HYDIN: variants seen among roughly 807,000 people sequenced by gnomAD.
The protein encoded by HYDIN is HYDIN axonemal central pair apparatus protein.
Under a neutral mutation model 403.9 loss-of-function variants are expected in HYDIN, and 132 were observed. That is an observed-to-expected ratio of 0.33 (90% CI 0.28 to 0.38). The LOEUF is 0.38. HYDIN is among the 10% of genes least tolerant of loss of function. HYDIN has a pLI of 1.00. For missense variants in HYDIN, 2,827 were observed against 5,009.5 expected (o/e 0.56, Z 13.15); for synonymous variants, 1,202 against 1,891.7 (o/e 0.64, Z 9.46).
chr16:71,229,896 T>C (rs2041206123), intron 1 of HYDIN, among the ~76,000 whole-genome samples: 1 of 152,186 alleles, frequency 6.6e-6, no homozygotes, highest in Non-Finnish European at 1.5e-5. Context: ...CCACGTGTCA[T>C]GGGAGGGACC....
At chr16:71,011,104 G>A (rs1180037532) in intron 23 of HYDIN, among the ~76,000 whole-genome samples, 15 of 152,148 alleles carry the variant, frequency 9.9e-5, no homozygotes, top group Non-Finnish European at 1.5e-4. Flanking sequence ...AGGAGGACCC[G>A]TAGGAGCCCT....
intron 1 of HYDIN, among the ~76,000 whole-genome samples, chr16:71,203,463 G>A (rs1434400210): frequency 6.6e-6 from 1 of 152,152 alleles, no homozygotes; most frequent in Non-Finnish European, 1.5e-5. Flanking sequence ...GCAATGGTAT[G>A]AATTGCTATT....
At chr16:70,861,931 A>G in intron 69 of HYDIN, 117 bp downstream of exon 69, 1 of 882,868 alleles carries the variant, frequency 1.1e-6, no homozygotes, top group East Asian at 2.8e-5. Context: ...TAATTTGGGG[A>G]TGTGCAGGGA....
At position 71,224,584 on chromosome 16, in the gene HYDIN, C is replaced by T. The variant is rs552927320; in HGVS notation, c.-24+5978G>A. 3.6e-3 allele frequency among the ~76,000 whole-genome samples: 406 copies of T among 112,806 alleles called. 2 individuals are homozygous for T. Among genetic ancestry groups the T allele is most frequent in the Middle Eastern group, 0.03 (4 of 132 alleles). The allele number at this position is 112,806 out of a possible 152,430, so 74.0% of individuals were successfully genotyped here. On this transcript the variant is annotated intron_variant, in intron 1 of 85. Coordinates refer to ENST00000393567, the MANE Select transcript of HYDIN (RefSeq NM_001270974.2). Reference sequence around the variant, plus strand: ...CTTTTTTTTTTTTTTTTTTTTGAGACGGAGTCTCGCTCTGTCGCCCAGGCT... The same window carrying T: ...CTTTTTTTTTTTTTTTTTTTTGAGATGGAGTCTCGCTCTGTCGCCCAGGCT...
At chr16:71,041,155 AG>A (rs2081275438) in intron 18 of HYDIN, among the ~76,000 whole-genome samples, 1 of 147,494 alleles carries the variant, frequency 6.8e-6, no homozygotes, top group Non-Finnish European at 1.5e-5. Flanking sequence ...CAGCCTCACC[AG>A]TAAGCCAAAT....
chr16:71,046,351 T>C (rs1315055947), intron 18 of HYDIN, among the ~76,000 whole-genome samples: 2 of 152,126 alleles, frequency 1.3e-5, no homozygotes, highest in Non-Finnish European at 2.9e-5. Context: ...ACTATCTCAG[T>C]ACTCATACAC....
intron 11 of HYDIN, among the ~76,000 whole-genome samples, chr16:71,089,749 G>A (rs1264669511): frequency 1.3e-5 from 2 of 152,228 alleles, no homozygotes; most frequent in Non-Finnish European, 2.9e-5. Flanking sequence ...AATAGTGGCT[G>A]ACTATTTTAG....
intron 1 of HYDIN, among the ~76,000 whole-genome samples, chr16:71,202,183 T>A (rs1213737636): frequency 6.6e-6 from 1 of 152,210 alleles, no homozygotes; most frequent in Non-Finnish European, 1.5e-5. Flanking sequence ...CGAATGTTCA[T>A]TTGGAGAATT....
In HYDIN at chr16:70,981,612, A is replaced by G. The variant is rs182447953; in HGVS notation, c.4333-44T>C. On this transcript the variant is annotated intron_variant, in intron 28 of 85. Coordinates refer to ENST00000393567, the MANE Select transcript of HYDIN (RefSeq NM_001270974.2). ...AGAAAAGGGAAAACGAATGTGCTAC[A>G]GTACAGGTTCAACTCATTAAATTAC... 6.3e-6 allele frequency: 10 copies of G among 1,583,064 alleles called. No individual in the cohort carries two copies. In the Admixed American group the frequency reaches 1.4e-4, roughly 23 times the overall value.
chr16:70,834,567 G>A (rs2037240066), intron 78 of HYDIN, among the ~76,000 whole-genome samples: 1 of 152,074 alleles, frequency 6.6e-6, no homozygotes, highest in South Asian at 2.1e-4. Context: ...GCAGATTCCG[G>A]TTGGGTGCCG....
At chr16:70,984,818 G>C (rs1446657330) in intron 28 of HYDIN, among the ~76,000 whole-genome samples, 1 of 150,904 alleles carries the variant, frequency 6.6e-6, no homozygotes, top group Non-Finnish European at 1.5e-5. Flanking sequence ...GCTCAGCGCA[G>C]TCTGCTAGTG....
chr16:71,159,826 T>A (rs4558421), intron 6 of HYDIN, among the ~76,000 whole-genome samples: 8 of 152,148 alleles, frequency 5.3e-5, no homozygotes, highest in African/African-American at 1.4e-4. Context: ...TGAAAAAAAA[T>A]ATCTTCCAAA....
intron 1 of HYDIN, among the ~76,000 whole-genome samples, chr16:71,220,970 C>G (rs986667410): frequency 2.6e-5 from 4 of 152,158 alleles, no homozygotes; most frequent in Admixed American, 6.5e-5. Context: ...TAGCCAACAT[C>G]TAACTGAAAA....
chr16:70,819,499 T>C (rs1597034901), intron 83 of HYDIN, among the ~76,000 whole-genome samples: 1 of 146,090 alleles, frequency 6.8e-6, no homozygotes, highest in East Asian at 2.0e-4. Flanking sequence ...GGACCAAGAT[T>C]TGAACCCAGG....
intron 38 of HYDIN, among the ~76,000 whole-genome samples, chr16:70,960,185 C>T (rs546420528): frequency 9.1e-4 from 136 of 148,666 alleles, no homozygotes; most frequent in Middle Eastern, 3.4e-3. Flanking sequence ...ATGGTAAATT[C>T]ATATTATAGA....
chr16:71,089,683 G>A (rs2083050520), intron 11 of HYDIN, among the ~76,000 whole-genome samples: 1 of 152,060 alleles, frequency 6.6e-6, no homozygotes, highest in African/African-American at 2.4e-5. Flanking sequence ...TTCTAGTGGG[G>A]CATGACTGCA....
chr16:71,149,672 A>G (rs1378177651), intron 7 of HYDIN, among the ~76,000 whole-genome samples: 1 of 151,928 alleles, frequency 6.6e-6, no homozygotes, highest in African/African-American at 2.4e-5. Context: ...GACCACAGGC[A>G]CATGCCGCCA....
chr16:70,921,833 C>T (rs565555247), intron 45 of HYDIN, among the ~76,000 whole-genome samples: 2 of 152,292 alleles, frequency 1.3e-5, no homozygotes, highest in South Asian at 4.1e-4. Flanking sequence ...TTTGGCTGCA[C>T]CTCAGGCTTT....
intron 45 of HYDIN, among the ~76,000 whole-genome samples, chr16:70,923,061 C>T (rs976390167): frequency 6.6e-6 from 1 of 151,882 alleles, no homozygotes; most frequent in African/African-American, 2.4e-5. Flanking sequence ...AGCCACTATG[C>T]CTGGCCCCTT....
Sources: gnomAD v4.1 joint callset for allele counts (sites outside exome capture counted in the v4.1 genomes callset) on GRCh38, gnomAD v4.1.1 for gene constraint, MANE v1.5 for transcripts, NCBI Gene and HGNC (gene_info 2026-07-23, HGNC 2026-07-21) for gene names.